AMER1: variants seen among roughly 807,000 people sequenced by gnomAD.
AMER1 encodes the protein RP11-403E24.2.
Under a neutral mutation model 53.0 loss-of-function variants are expected in AMER1, and 16 were observed. That is an observed-to-expected ratio of 0.30 (90% CI 0.20 to 0.46). The LOEUF is 0.46. AMER1 is among the 20% of genes least tolerant of loss of function. AMER1 has a pLI of 1.00. For missense variants in AMER1, 947 were observed against 884.9 expected (o/e 1.07, Z -0.89); for synonymous variants, 354 against 331.9 (o/e 1.07, Z -0.73).
Position 64,187,205 on chromosome X carries a change from T to C in AMER1, c.*2674A>G. On this transcript the variant is annotated 3_prime_UTR_variant, in exon 2 of 2. Transcript: ENST00000374869. ...CATGGGTCCCCAGACAGGTCTTCCT[T>C]CCTCCCCTAGGCTGCCATTGGGTTT... The C allele has an allele frequency of 1.3e-6, 1 of 787,064 alleles. No individual in the cohort carries two copies. The highest frequency in any genetic ancestry group is 1.5e-6 in the Non-Finnish European group (1 of 659,043). The allele number at this position is 787,064 out of a possible 1,213,427, so 64.9% of individuals were successfully genotyped here.
Position 64,190,260 on chromosome X carries a change from C to T in AMER1, c.3027G>A (p.Glu1009=). 1 of 1,211,965 alleles carries T rather than the reference C, an allele frequency of 8.3e-7. No homozygotes were observed. Among genetic ancestry groups the T allele is most frequent in the Middle Eastern group, 2.3e-4 (1 of 4,355 alleles). ...GCCCAGATTCCCCAGGTGCCCTTGA[C>T]TCTGGCACTGATAGTGATATTGACA... The part of the protein sequence containing the change: ...MTMSISLSVP[E]SRAPGESGPQ... Residue 1009 remains glutamate (E), a synonymous_variant, in exon 2 of 2, where the codon GAG becomes GAA. Coordinates refer to ENST00000374869, the MANE Select transcript of AMER1 (RefSeq NM_152424.4).
At position 64,190,403 on chromosome X, in the gene AMER1, C is replaced by T. The variant is rs777905301; in HGVS notation, c.2884G>A (p.Ala962Thr). 2.9e-5 allele frequency: 35 copies of T among 1,209,829 alleles called. No individual in the cohort carries two copies. Among genetic ancestry groups the T allele is most frequent in the Non-Finnish European group, 3.7e-5 (33 of 894,907 alleles). ...GGCCCCACTGGAAGAGGACAGGGAG[C>T]CCAAGCAGGCCAATCATAGGCCCCT... ...PPGAYDWPAW[A>T]PCPLPVGPGP... The change falls in exon 2 of 2, where the codon GCT becomes ACT. Residue 962 changes from alanine to threonine, a missense_variant. By Grantham distance (58) the Ala-to-Thr change is moderately conservative. Coordinates refer to ENST00000374869, the MANE Select transcript of AMER1 (RefSeq NM_152424.4).
chrX:64,200,781 C>A (rs1005830912), intron 1 of AMER1, among the ~76,000 whole-genome samples: 8 of 111,821 alleles, frequency 7.2e-5, no homozygotes, highest in African/African-American at 2.6e-4. Flanking sequence ...TGTGGCCCAG[C>A]CTCACTCCTT....
chrX:64,190,837 T>C lies in AMER1; in HGVS notation c.2450A>G (p.Asp817Gly), dbSNP rs753979230. ...ATTCTCTTCACACTTGCCTTCCCCA[T>C]CCCGTTCCACATCAGCGATGTCAAA... ...VTFDIADVER[D>G]GEGKCEENPE... The change falls in exon 2 of 2, where the codon GAT becomes GGT. Residue 817 changes from aspartate (D) to glycine (G), a missense_variant. Transcript: ENST00000374869. The C allele has an allele frequency of 8.3e-7, 1 of 1,211,623 alleles. No homozygotes were observed. The highest frequency in any genetic ancestry group is 1.8e-5 in the South Asian group (1 of 56,807).
intron 1 of AMER1, among the ~76,000 whole-genome samples, chrX:64,200,873 G>A (rs1466744975): frequency 9.0e-6 from 1 of 111,420 alleles, no homozygotes; most frequent in Non-Finnish European, 1.9e-5. Context: ...GAAAGGAGGG[G>A]GGCCAGAACT....
chrX:64,203,848 G>A (rs1390722105), intron 1 of AMER1, among the ~76,000 whole-genome samples: 1 of 111,614 alleles, frequency 9.0e-6, no homozygotes, highest in Non-Finnish European at 1.9e-5. Context: ...TGCAAGTAGA[G>A]GTTTGTGTTG....
At position 64,192,665 on chromosome X, in the gene AMER1, C is replaced by G. The variant is rs772338892; in HGVS notation, c.622G>C (p.Val208Leu). The G allele has an allele frequency of 1.7e-6, 2 of 1,167,044 alleles. No individual in the cohort carries two copies. The highest frequency in any genetic ancestry group is 2.3e-6 in the Non-Finnish European group (2 of 875,996). The part of the protein sequence containing the change: ...ERVRARPHEH[V>L]SSAPQVPCFE... ...CAGGGCACCTGAGGGGCTGAGCTCA[C>G]GTGCTCATGAGGCCTGGCTCTGACC... Residue 208 changes from valine (V) to leucine (L), a missense_variant, in exon 2 of 2, where the codon GTG (valine) becomes CTG (leucine). Transcript: ENST00000374869.
At position 64,186,846 on chromosome X, in the gene AMER1, T is replaced by C. The variant is rs1337132954; in HGVS notation, c.*3033A>G. ...GAGAGGCCTACTAGGTGGCCTTCTC[T>C]ATCCACATTCACTGGTCCTCCAAGG... On this transcript the variant is annotated 3_prime_UTR_variant, in exon 2 of 2. Transcript: ENST00000374869. 2 of 771,299 alleles carry C rather than the reference T, an allele frequency of 2.6e-6. No individual in the cohort carries two copies. The highest frequency in any genetic ancestry group is 2.3e-5 in the African/African-American group (1 of 43,795). 63.6% of individuals were successfully genotyped at this position (771,299 alleles called of 1,213,427 possible). A position where few individuals can be genotyped will look rare whatever the true frequency, so the allele number is the denominator to read the frequency against.
chrX:64,189,793 A>ACCACCCCCCCCCCC lies in AMER1; in HGVS notation c.*85_*86insGGGGGGGGGGGTGG. ...CAAAGGGTTTTCAAGTTAAACAACA[A>ACCACCCCCCCCCCC]CCCCCACCCCCCCACCCTTCTGCCC... On this transcript the variant is annotated 3_prime_UTR_variant, in exon 2 of 2. Coordinates refer to ENST00000374869, the MANE Select transcript of AMER1 (RefSeq NM_152424.4). 1.0e-5 allele frequency: 3 copies of ACCACCCCCCCCCCC among 292,073 alleles called. No individual in the cohort carries two copies. The highest frequency in any genetic ancestry group is 1.5e-5 in the Non-Finnish European group (3 of 204,832). The allele number at this position is 292,073 out of a possible 1,213,427, so 24.1% of individuals were successfully genotyped here. A position where few individuals can be genotyped will look rare whatever the true frequency, so the allele number is the denominator to read the frequency against.
intron 1 of AMER1, among the ~76,000 whole-genome samples, chrX:64,199,291 A>G (rs1489444931): frequency 9.0e-6 from 1 of 111,507 alleles, no homozygotes; most frequent in Non-Finnish European, 1.9e-5. Context: ...TCTCAAATTG[A>G]CCCTCCTTCA....
chrX:64,195,612 C>T lies in AMER1; in HGVS notation c.-98-2228G>A, dbSNP rs12687851. On this transcript the variant is annotated intron_variant, in intron 1 of 1. Coordinates refer to ENST00000374869, the MANE Select transcript of AMER1 (RefSeq NM_152424.4). ...GGAGCGTGAACCCTATTGCAAACTG[C>T]GCATGCGAAGGATCTAGGGTGCACT... is the stretch of plus-strand genomic sequence containing the variant. 1.0e-3 allele frequency among the ~76,000 whole-genome samples: 112 copies of T among 111,872 alleles called. No homozygotes were observed. The East Asian group carries it at 0.021, about 21-fold the overall frequency.
rs963280223 is a variant in AMER1, at chrX:64,187,409, C to T, written c.*2470G>A. On this transcript the variant is annotated 3_prime_UTR_variant, in exon 2 of 2. Transcript: ENST00000374869. Reference sequence around the variant, plus strand: ...CTCTCACTCAGCCCCAGGCCCTACTCTGTGGTGTGTGACCTTCCAAAGCCC... The same window carrying T: ...CTCTCACTCAGCCCCAGGCCCTACTTTGTGGTGTGTGACCTTCCAAAGCCC... 18 of 793,037 alleles carry T rather than the reference C, an allele frequency of 2.3e-5. No homozygotes were observed. Among genetic ancestry groups the T allele is most frequent in the Non-Finnish European group, 2.4e-5 (16 of 663,238 alleles). The allele number at this position is 793,037 out of a possible 1,213,427, so 65.4% of individuals were successfully genotyped here.
chrX:64,193,143 G>A lies in AMER1; in HGVS notation c.144C>T (p.Gly48=), dbSNP rs2147091212. ...TGGCAGTTTTCTTCAGCCTACCTGG[G>A]CCGGATGAGGATGGCTCTGAGGTTG... is the stretch of plus-strand genomic sequence containing the variant. ...EGPTSEPSSS[G]PGRLKKTAMK... is the part of the protein sequence containing the mutation. Residue 48 remains glycine, a synonymous_variant, in exon 2 of 2, where the codon GGC becomes GGT. Transcript: ENST00000374869. 2.5e-6 allele frequency: 3 copies of A among 1,211,922 alleles called. No individual in the cohort carries two copies. The highest frequency in any genetic ancestry group is 2.2e-6 in the Non-Finnish European group (2 of 895,614).
rs1282807993 is a variant in AMER1, at chrX:64,191,901, T to G, written c.1386A>C (p.Glu462Asp). ...AACCTTCATCACTATTGGGGGCGGA[T>G]TCTTGCTGGTCACTCTGAGGAGTCA... ...ELLTPQSDQQ[E>D]SAPNSDEGYY... Residue 462 changes from glutamate (E) to aspartate (D), a missense_variant, in exon 2 of 2, where the codon GAA becomes GAC. Physicochemically the swap from Glu to Asp is conservative, Grantham distance 45. Coordinates refer to ENST00000374869, the MANE Select transcript of AMER1 (RefSeq NM_152424.4). 1 of 1,211,574 alleles carries G rather than the reference T, an allele frequency of 8.3e-7. No homozygotes were observed. The highest frequency in any genetic ancestry group is 1.8e-5 in the South Asian group (1 of 56,930).
chrX:64,202,063 C>G (rs1930498425), intron 1 of AMER1, among the ~76,000 whole-genome samples: 1 of 112,046 alleles, frequency 8.9e-6, no homozygotes, highest in Non-Finnish European at 1.9e-5. Context: ...GTCTCGAACT[C>G]CTGGGGTCAA....
rs373381382 is a variant in AMER1 at position 64,187,297 on chromosome X, C to T, written c.*2582G>A. ...CTTCTGCAGCCACATATCCTGGCTG[C>T]CCCACTTCAGGTGGTAAGGATCCTA... On this transcript the variant is annotated 3_prime_UTR_variant, in exon 2 of 2. Coordinates refer to ENST00000374869, the MANE Select transcript of AMER1 (RefSeq NM_152424.4). 44 of 788,161 alleles carry T rather than the reference C, an allele frequency of 5.6e-5. No individual in the cohort carries two copies. The East Asian group carries it at 3.1e-3, about 56-fold the overall frequency. The allele number at this position is 788,161 out of a possible 1,213,427, so 65.0% of individuals were successfully genotyped here.
chrX:64,189,482 GTA>G lies in AMER1; in HGVS notation c.*395_*396del, dbSNP rs751390282. 128 of 550,777 alleles carry G rather than the reference GTA, an allele frequency of 2.3e-4. No individual in the cohort carries two copies. Among genetic ancestry groups the G allele is most frequent in the East Asian group, 1.1e-3 (8 of 7,117 alleles). The allele number at this position is 550,777 out of a possible 1,213,427, so 45.4% of individuals were successfully genotyped here. A position where few individuals can be genotyped will look rare whatever the true frequency, so the allele number is the denominator to read the frequency against. Reference sequence around the variant, plus strand: ...TGTGTGTTTGTGTGTGTGTGTGTATGTATGTGTGTGTGTGTGTGTGTGTGTGT... The same window carrying G: ...TGTGTGTTTGTGTGTGTGTGTGTATGTGTGTGTGTGTGTGTGTGTGTGTGT... On this transcript the variant is annotated 3_prime_UTR_variant, in exon 2 of 2. Coordinates refer to ENST00000374869, the MANE Select transcript of AMER1 (RefSeq NM_152424.4).
In AMER1 at chrX:64,189,543, T is replaced by A. The variant is rs1930191769; in HGVS notation, c.*336A>T. 7.4e-6 allele frequency: 1 copy of A among 134,643 alleles called. No homozygotes were observed. The highest frequency in any genetic ancestry group is 3.7e-4 in the South Asian group (1 of 2,721). The allele number at this position is 134,643 out of a possible 1,213,427, so 11.1% of individuals were successfully genotyped here. On this transcript the variant is annotated 3_prime_UTR_variant, in exon 2 of 2. Transcript: ENST00000374869. ...ATATATATATATATATATATATATA[T>A]ATATATATATATATAATCACTAACT...
At position 64,188,997 on chromosome X, in the gene AMER1, T is replaced by C. The variant is rs1044433486; in HGVS notation, c.*882A>G. 1 of 807,298 alleles carries C rather than the reference T, an allele frequency of 1.2e-6. No individual in the cohort carries two copies. The highest frequency in any genetic ancestry group is 6.9e-5 in the East Asian group (1 of 14,435). The allele number at this position is 807,298 out of a possible 1,213,427, so 66.5% of individuals were successfully genotyped here. A position where few individuals can be genotyped will look rare whatever the true frequency, so the allele number is the denominator to read the frequency against. On this transcript the variant is annotated 3_prime_UTR_variant, in exon 2 of 2. Transcript: ENST00000374869. ...AAAAAAAATCCTATCATTCCGGAGC[T>C]CAACACTCTATGGCAGTGTCCACAA...
Sources: allele counts gnomAD v4.1 joint callset (sites outside exome capture counted in the v4.1 genomes callset), GRCh38; gene constraint gnomAD v4.1.1; transcripts MANE v1.5; gene names NCBI Gene and HGNC (gene_info 2026-07-23, HGNC 2026-07-21).